Variants in LSAMP observed in about 807,000 individuals in gnomAD.
The protein encoded by LSAMP is limbic system associated membrane protein.
LSAMP carries 7 observed loss-of-function variants against 38.6 expected under a neutral mutation model. The ratio of observed to expected loss-of-function variants is 0.18; its 90% confidence interval spans 0.10 to 0.34. LSAMP has a LOEUF of 0.34. LSAMP is among the 10% of genes least tolerant of loss of function. The pLI is 1.00. For synonymous variants in LSAMP, 154 were observed against 166.8 expected (o/e 0.92, Z 0.59); for missense variants, 313 against 420.0 (o/e 0.75, Z 2.23).
chr3:115,998,398 A>G (rs146960118), intron 3 of LSAMP, among the ~76,000 whole-genome samples: 4 of 152,176 alleles, frequency 2.6e-5, no homozygotes, highest in African/African-American at 7.2e-5. Flanking sequence ...TGAATAGTCT[A>G]GCAGAGAGAT....
chr3:116,001,912 T>G (rs1940006438), intron 3 of LSAMP, among the ~76,000 whole-genome samples: 1 of 152,222 alleles, frequency 6.6e-6, no homozygotes, highest in Admixed American at 6.5e-5. Flanking sequence ...AGGTAGCATA[T>G]TCACAGGTTT....
intron 1 of LSAMP, among the ~76,000 whole-genome samples, chr3:116,246,824 A>G (rs1326591726): frequency 1.3e-5 from 2 of 152,180 alleles, no homozygotes; most frequent in Non-Finnish European, 1.5e-5. Context: ...AAACAGCTAC[A>G]TGACTGAGAG....
At chr3:116,212,599 C>G (rs1356587344) in intron 1 of LSAMP, among the ~76,000 whole-genome samples, 1 of 151,426 alleles carries the variant, frequency 6.6e-6, no homozygotes, top group Non-Finnish European at 1.5e-5. Flanking sequence ...TCAAAGACAC[C>G]CTTCTGAGTT....
intron 3 of LSAMP, among the ~76,000 whole-genome samples, chr3:115,886,430 A>G (rs1482206580): frequency 6.6e-6 from 1 of 152,028 alleles, no homozygotes. Context: ...GATGTAAATG[A>G]CAATATGCAC....
intron 1 of LSAMP, among the ~76,000 whole-genome samples, chr3:116,130,209 A>G (rs1025412226): frequency 6.6e-6 from 1 of 152,082 alleles, no homozygotes; most frequent in Non-Finnish European, 1.5e-5. Context: ...ATCCTCTCCT[A>G]TCCCCTCATT....
intron 1 of LSAMP, among the ~76,000 whole-genome samples, chr3:116,297,189 G>C (rs1433882894): frequency 6.6e-6 from 1 of 152,172 alleles, no homozygotes; most frequent in Admixed American, 6.5e-5. Flanking sequence ...AGGTGAAAGA[G>C]AGATTGGCTA....
intron 1 of LSAMP, among the ~76,000 whole-genome samples, chr3:116,169,916 C>T (rs926283755): frequency 2.0e-5 from 3 of 152,096 alleles, no homozygotes; most frequent in Admixed American, 2.0e-4. Flanking sequence ...GTGAGAAAGG[C>T]CTGTGACTCT....
intron 6 of LSAMP, among the ~76,000 whole-genome samples, chr3:115,821,075 C>A (rs1033441026): frequency 1.3e-5 from 2 of 152,154 alleles, no homozygotes; most frequent in African/African-American, 4.8e-5. Flanking sequence ...TTACTATGAT[C>A]TCTTGCTCTT....
At chr3:116,374,892 A>G (rs1446064545) in intron 1 of LSAMP, among the ~76,000 whole-genome samples, 2 of 152,044 alleles carry the variant, frequency 1.3e-5, no homozygotes, top group Non-Finnish European at 1.5e-5. Flanking sequence ...GAATGAGGAA[A>G]TGGTGATAAA....
intron 3 of LSAMP, among the ~76,000 whole-genome samples, chr3:116,011,738 A>G (rs147027561): frequency 3.3e-5 from 5 of 151,484 alleles, no homozygotes; most frequent in African/African-American, 1.2e-4. Flanking sequence ...ACTCAAGATA[A>G]TGTGTGAAAT....
intron 1 of LSAMP, among the ~76,000 whole-genome samples, chr3:116,220,185 AACACACACACAC>A (rs3974285): frequency 1.4e-5 from 2 of 141,372 alleles, no homozygotes; most frequent in African/African-American, 5.2e-5. Context: ...TCCATCTCAA[AACACACACACAC>A]ACACACACAC....
chr3:116,084,408 TATAA>T lies in LSAMP; in HGVS notation c.388+1912_388+1915del, dbSNP rs1214119549. Reference sequence around the variant, plus strand: ...TTGGTGCTAAGAGCTCAGACTTAAATATAAATTCTTAACTATGAATCCTTAAATT... The same window carrying T: ...TTGGTGCTAAGAGCTCAGACTTAAATATTCTTAACTATGAATCCTTAAATT... On this transcript the variant is annotated intron_variant, in intron 2 of 6. Transcript: ENST00000490035. Among the ~76,000 whole-genome samples the T allele has an allele frequency of 5.6e-5, 8 of 142,766 alleles. No homozygotes were observed. The Admixed American group carries it at 5.7e-4, about 10-fold the overall frequency. 93.7% of individuals were successfully genotyped at this position (142,766 alleles called of 152,430 possible).
At chr3:116,083,947 C>T (rs1226039663) in intron 2 of LSAMP, among the ~76,000 whole-genome samples, 1 of 152,160 alleles carries the variant, frequency 6.6e-6, no homozygotes, top group Non-Finnish European at 1.5e-5. Context: ...CTTGGCGACT[C>T]AGGCTCAAGG....
intron 1 of LSAMP, among the ~76,000 whole-genome samples, chr3:116,107,254 T>C (rs1373555161): frequency 6.6e-6 from 1 of 151,784 alleles, no homozygotes; most frequent in East Asian, 1.9e-4. Context: ...GAAGAGTGAG[T>C]ACAGCTGAAG....
intron 1 of LSAMP, among the ~76,000 whole-genome samples, chr3:116,292,710 A>ATGACT (rs1316758894): frequency 6.6e-6 from 1 of 152,240 alleles, no homozygotes; most frequent in African/African-American, 2.4e-5. Context: ...ACACTAAAAA[A>ATGACT]TGACTTCACA....
At chr3:116,370,873 G>A (rs542232220) in intron 1 of LSAMP, among the ~76,000 whole-genome samples, 75 of 152,062 alleles carry the variant, frequency 4.9e-4, no homozygotes, top group Non-Finnish European at 8.5e-4. Flanking sequence ...TAAAATTACC[G>A]AAATCTGAAA....
At chr3:115,938,551 T>A (rs1439192953) in intron 3 of LSAMP, among the ~76,000 whole-genome samples, 1 of 152,178 alleles carries the variant, frequency 6.6e-6, no homozygotes, top group Admixed American at 6.6e-5. Context: ...AGTACAATTT[T>A]AACTAAGCAA....
At chr3:116,034,968 C>T (rs1350770265) in intron 2 of LSAMP, among the ~76,000 whole-genome samples, 5 of 152,190 alleles carry the variant, frequency 3.3e-5, no homozygotes, top group African/African-American at 1.2e-4. Context: ...AGCTGCACAA[C>T]ACATTAGGCT....
intron 2 of LSAMP, among the ~76,000 whole-genome samples, chr3:116,064,342 A>C: frequency 6.6e-6 from 1 of 152,200 alleles, no homozygotes; most frequent in East Asian, 1.9e-4. Flanking sequence ...CCTGACCAAC[A>C]TGGTGAAACC....
Sources: gnomAD v4.1 joint callset for allele counts (sites outside exome capture counted in the v4.1 genomes callset) on GRCh38, gnomAD v4.1.1 for gene constraint, MANE v1.5 for transcripts, NCBI Gene and HGNC (gene_info 2026-07-23, HGNC 2026-07-21) for gene names.